PPARGC1A: variants seen among roughly 807,000 people sequenced by gnomAD.
PPARGC1A encodes peroxisome proliferator-activated receptor gamma coactivator 1-alpha.
Under a neutral mutation model 88.7 loss-of-function variants are expected in PPARGC1A, and 25 were observed. The observed-to-expected ratio is 0.28, with a 90% confidence interval of 0.21 to 0.39. The LOEUF (loss-of-function observed/expected upper bound fraction) is 0.39, where lower values mean the gene tolerates loss of function less well. PPARGC1A is among the 10% of genes least tolerant of loss of function. The pLI is 1.00. For synonymous variants in PPARGC1A, 363 were observed against 355.6 expected (o/e 1.02, Z -0.24); for missense variants, 880 against 968.7 (o/e 0.91, Z 1.22).
chr4:24,219,307 T>C, the PPARGC1A span, among the ~76,000 whole-genome samples: 1 of 152,362 alleles, frequency 6.6e-6, no homozygotes, highest in African/African-American at 2.4e-5. Flanking sequence ...TGGCACCAAC[T>C]GTCCCTGAAT....
At chr4:23,925,125 A>C in the PPARGC1A span, among the ~76,000 whole-genome samples, 2 of 152,328 alleles carry the variant, frequency 1.3e-5, 1 homozygote, top group South Asian at 4.1e-4. Context: ...TTTTGTTTTT[A>C]ATTAACTTTT....
At chr4:24,050,199 G>GTT in the PPARGC1A span, among the ~76,000 whole-genome samples, 408 of 134,674 alleles carry the variant, frequency 3.0e-3, 13 homozygotes, top group African/African-American at 0.011. Flanking sequence ...GTGACCTTTT[G>GTT]TTTTTTTTTT....
At chr4:23,899,083 A>ACC (rs35314800) in intron 1 of PPARGC1A, among the ~76,000 whole-genome samples, 96 of 151,246 alleles carry the variant, frequency 6.3e-4, no homozygotes, top group Admixed American at 1.4e-3. Flanking sequence ...CTGATGATCC[A>ACC]CCCCCCCCCG....
At chr4:24,057,330 T>C in the PPARGC1A span, among the ~76,000 whole-genome samples, 1 of 151,996 alleles carries the variant, frequency 6.6e-6, no homozygotes, top group Non-Finnish European at 1.5e-5. Flanking sequence ...TTTTATTTAA[T>C]GGGTATAGAG....
At chr4:24,077,279 C>A in the PPARGC1A span, among the ~76,000 whole-genome samples, 4 of 152,120 alleles carry the variant, frequency 2.6e-5, no homozygotes, top group African/African-American at 9.7e-5. Flanking sequence ...TTTCAAGGCA[C>A]ATCTCGTTTA....
chr4:24,123,677 A>G, the PPARGC1A span, among the ~76,000 whole-genome samples: 2 of 152,164 alleles, frequency 1.3e-5, no homozygotes, highest in African/African-American at 2.4e-5. Flanking sequence ...AGTCAAGGTT[A>G]GGCACAGATG....
chr4:23,951,938 T>C, the PPARGC1A span, among the ~76,000 whole-genome samples: 11 of 152,120 alleles, frequency 7.2e-5, no homozygotes, highest in Non-Finnish European at 4.4e-5. Context: ...ATCTGGAAAG[T>C]GTCTGTAGAT....
chr4:23,865,963 A>ACACACACG (rs1413124040), intron 2 of PPARGC1A, among the ~76,000 whole-genome samples: 1 of 150,822 alleles, frequency 6.6e-6, no homozygotes, highest in Non-Finnish European at 1.5e-5. Flanking sequence ...ACACACACAC[A>ACACACACG]CACACACGCA....
At chr4:24,128,822 T>C in the PPARGC1A span, among the ~76,000 whole-genome samples, 3 of 152,174 alleles carry the variant, frequency 2.0e-5, no homozygotes, top group African/African-American at 7.2e-5. Flanking sequence ...AGGATTCGAC[T>C]TCTCATCCAT....
upstream of PPARGC1A, among the ~76,000 whole-genome samples, chr4:23,894,737 C>T (rs1718319952): frequency 6.6e-6 from 1 of 152,034 alleles, no homozygotes; most frequent in Admixed American, 6.6e-5. Context: ...GAAAGTTAAT[C>T]TGAGTTGCAG....
the PPARGC1A span, among the ~76,000 whole-genome samples, chr4:23,979,363 AT>A: frequency 6.6e-6 from 1 of 152,168 alleles, no homozygotes; most frequent in Non-Finnish European, 1.5e-5. Flanking sequence ...CCAAAAATCA[AT>A]TTTTAATATA....
At chr4:24,144,452 G>A in the PPARGC1A span, among the ~76,000 whole-genome samples, 2 of 151,642 alleles carry the variant, frequency 1.3e-5, no homozygotes, top group South Asian at 2.1e-4. Flanking sequence ...AAGCGATGCT[G>A]GAGCTGAGTT....
chr4:23,899,403 C>T (rs184104710), upstream of PPARGC1A: 99 of 152,308 alleles, frequency 6.5e-4, no homozygotes, highest in African/African-American at 2.3e-3. Context: ...TAACTGCTGA[C>T]GCACCATATT....
chr4:23,997,813 T>C, the PPARGC1A span, among the ~76,000 whole-genome samples: 1 of 152,094 alleles, frequency 6.6e-6, no homozygotes, highest in Non-Finnish European at 1.5e-5. Context: ...CTATAAGCAG[T>C]GTTGTAGTTG....
At chr4:24,329,726 G>A in the PPARGC1A span, among the ~76,000 whole-genome samples, 16 of 152,302 alleles carry the variant, frequency 1.1e-4, no homozygotes, top group South Asian at 3.3e-3. Flanking sequence ...TCCCCCACTG[G>A]CAGGGACTTT....
At chr4:23,917,726 C>T in the PPARGC1A span, among the ~76,000 whole-genome samples, 7 of 152,170 alleles carry the variant, frequency 4.6e-5, no homozygotes, top group South Asian at 2.1e-4. Context: ...AGTGAAGCCC[C>T]GATCTTATGT....
chr4:23,990,611 C>T, the PPARGC1A span, among the ~76,000 whole-genome samples: 1 of 152,078 alleles, frequency 6.6e-6, no homozygotes, highest in Non-Finnish European at 1.5e-5. Context: ...AAGCATTCAA[C>T]ATTTCCTGAT....
chr4:23,933,717 C>T, the PPARGC1A span, among the ~76,000 whole-genome samples: 1 of 152,236 alleles, frequency 6.6e-6, no homozygotes, highest in Non-Finnish European at 1.5e-5. Flanking sequence ...TCCCTGCCCA[C>T]TTATTAATAA....
chr4:24,174,886 C>G, the PPARGC1A span, among the ~76,000 whole-genome samples: 1 of 152,230 alleles, frequency 6.6e-6, no homozygotes, highest in East Asian at 1.9e-4. Context: ...TGGAATGTCA[C>G]TGGCTGGAAA....
Sources: gnomAD v4.1 joint callset for allele counts (sites outside exome capture counted in the v4.1 genomes callset) on GRCh38, gnomAD v4.1.1 for gene constraint, MANE v1.5 for transcripts, NCBI Gene and HGNC (gene_info 2026-07-23, HGNC 2026-07-21) for gene names.